GRID1: variants seen among roughly 807,000 people sequenced by gnomAD.
The protein encoded by GRID1 is glutamate receptor ionotropic, delta-1.
In GRID1, 28 loss-of-function variants were observed where a neutral mutation model predicts 98.0. The ratio of observed to expected loss-of-function variants is 0.29; its 90% confidence interval spans 0.21 to 0.39. The LOEUF is 0.39. Among genes scored for constraint, GRID1 ranks in the 10% least tolerant of loss-of-function variants. The pLI, the probability that GRID1 is intolerant of heterozygous loss-of-function variation, is 1.00. For missense variants in GRID1, 1,111 were observed against 1,340.5 expected (o/e 0.83, Z 2.67); for synonymous variants, 553 against 538.5 (o/e 1.03, Z -0.37).
intron 8 of GRID1, among the ~76,000 whole-genome samples, chr10:85,803,213 A>T (rs1842593458): frequency 6.6e-6 from 1 of 152,138 alleles, no homozygotes; most frequent in Non-Finnish European, 1.5e-5. Context: ...CTGTATATTT[A>T]AAAATAACTA....
intron 2 of GRID1, among the ~76,000 whole-genome samples, chr10:86,302,674 T>C (rs1257995386): frequency 6.6e-6 from 1 of 152,168 alleles, no homozygotes; most frequent in Non-Finnish European, 1.5e-5. Context: ...AGGAACAGGT[T>C]AAATGTCACC....
chr10:86,017,717 G>A (rs1007392879), intron 4 of GRID1, among the ~76,000 whole-genome samples: 2 of 152,216 alleles, frequency 1.3e-5, no homozygotes, highest in Non-Finnish European at 2.9e-5. Flanking sequence ...AGTTATTTGT[G>A]TGAATCAAAG....
At position 85,775,559 on chromosome 10, in the gene GRID1, A is replaced by C. The variant is rs147194076; in HGVS notation, c.1234-45945T>G. 9.5e-4 allele frequency among the ~76,000 whole-genome samples: 145 copies of C among 152,300 alleles called. 1 individual carries two copies. Among genetic ancestry groups the C allele is most frequent in the African/African-American group, 3.3e-3 (138 of 41,568 alleles). ...GAGGAGGAAGGGAGGGGAGAGTGGC[A>C]AGTGTTGCAGAACTAACTATTGGGT... On this transcript the variant is annotated intron_variant, in intron 8 of 15. Transcript: ENST00000327946.
At position 86,195,644 on chromosome 10, in the gene GRID1, C is replaced by T. The variant is rs550855667; in HGVS notation, c.520+10720G>A. ...GGGGTTGGCAGCAAACAAGCCCCCG[C>T]GGCGACCACGCCATCAGGTGGGTAA... On this transcript the variant is annotated intron_variant, in intron 3 of 15. Coordinates refer to ENST00000327946, the MANE Select transcript of GRID1 (RefSeq NM_017551.3). This position sits in a 1 kb window ranked among gnomAD's most constrained non-coding sequence, Gnocchi z 4.4. Among the ~76,000 whole-genome samples, 2 of 152,148 alleles carry T rather than the reference C, an allele frequency of 1.3e-5. No individual in the cohort carries two copies. The highest frequency in any genetic ancestry group is 1.9e-4 in the East Asian group (1 of 5,190).
intron 14 of GRID1, among the ~76,000 whole-genome samples, chr10:85,615,400 T>A (rs1842776673): frequency 6.6e-6 from 1 of 152,192 alleles, no homozygotes; most frequent in African/African-American, 2.4e-5. Context: ...GAGCTGTGGG[T>A]TACTCTGTTT....
At chr10:85,985,538 C>A (rs1379991831) in intron 4 of GRID1, among the ~76,000 whole-genome samples, 1 of 152,200 alleles carries the variant, frequency 6.6e-6, no homozygotes, top group East Asian at 1.9e-4. Flanking sequence ...GGCAGGCTCT[C>A]CTTGTAGGAG....
intron 4 of GRID1, among the ~76,000 whole-genome samples, chr10:86,119,333 TCAAAAA>T (rs1004470608): frequency 5.9e-5 from 9 of 152,020 alleles, no homozygotes; most frequent in African/African-American, 1.9e-4. Flanking sequence ...AGACCCTGTC[TCAAAAA>T]CAAACAAACA....
At chr10:85,817,159 AAC>A (rs2131747877) in intron 8 of GRID1, among the ~76,000 whole-genome samples, 2 of 152,328 alleles carry the variant, frequency 1.3e-5, no homozygotes, top group South Asian at 4.1e-4. Context: ...TGCTGCAACA[AAC>A]ACACACATGC....
intron 5 of GRID1, among the ~76,000 whole-genome samples, chr10:85,886,979 A>T (rs555485776): frequency 5.9e-5 from 9 of 152,350 alleles, no homozygotes; most frequent in Non-Finnish European, 1.0e-4. Context: ...TGATACCAGC[A>T]TTACTCCATT....
At chr10:85,878,960 G>T (rs1250283935) in intron 5 of GRID1, among the ~76,000 whole-genome samples, 1 of 151,690 alleles carries the variant, frequency 6.6e-6, no homozygotes, top group Non-Finnish European at 1.5e-5. Flanking sequence ...AAAAAGGCAG[G>T]GGTTGCAATC....
chr10:86,343,149 T>C (rs1221127587), intron 2 of GRID1, among the ~76,000 whole-genome samples: 2 of 152,228 alleles, frequency 1.3e-5, no homozygotes, highest in East Asian at 1.9e-4. Context: ...GGAATTAGGG[T>C]TGGGTTTTCT....
chr10:85,683,519 G>A (rs766295419), intron 12 of GRID1, among the ~76,000 whole-genome samples: 2 of 152,184 alleles, frequency 1.3e-5, no homozygotes, highest in Non-Finnish European at 2.9e-5. Context: ...ACATACAAAG[G>A]TCATGAAGTC....
chr10:86,150,489 A>G (rs888433138), intron 3 of GRID1, among the ~76,000 whole-genome samples: 1 of 152,236 alleles, frequency 6.6e-6, no homozygotes, highest in Non-Finnish European at 1.5e-5. Flanking sequence ...AATCTAGAGA[A>G]GTAATTTCCA....
chr10:85,992,589 G>A (rs568734660), intron 4 of GRID1, among the ~76,000 whole-genome samples: 2 of 151,306 alleles, frequency 1.3e-5, no homozygotes, highest in Admixed American at 1.3e-4. Flanking sequence ...AGAGGGGACA[G>A]AGCTGGCAGT....
At chr10:85,944,821 GT>G (rs34412615) in intron 4 of GRID1, among the ~76,000 whole-genome samples, 23,621 of 150,674 alleles carry the variant, frequency 0.16, 1,927 homozygotes, top group South Asian at 0.24. Flanking sequence ...TTACTGTAGA[GT>G]TTTTTTTTTA....
chr10:85,911,524 C>A (rs1235947353), intron 5 of GRID1, among the ~76,000 whole-genome samples: 1 of 152,102 alleles, frequency 6.6e-6, no homozygotes, highest in East Asian at 1.9e-4. Flanking sequence ...CGCTGCTGAC[C>A]CACAGATCAC....
intron 14 of GRID1, among the ~76,000 whole-genome samples, chr10:85,618,406 G>A (rs1010401934): frequency 4.6e-5 from 7 of 152,140 alleles, no homozygotes; most frequent in South Asian, 2.1e-4. Context: ...CAACTGGTGC[G>A]AACCTCAAGA....
chr10:86,262,303 A>AG (rs1847028284), intron 2 of GRID1, among the ~76,000 whole-genome samples: 1 of 152,208 alleles, frequency 6.6e-6, no homozygotes, highest in Admixed American at 6.5e-5. Context: ...AGCAAAGCCA[A>AG]GCTCTCCACT....
At chr10:85,879,777 A>G (rs1404679984) in intron 5 of GRID1, among the ~76,000 whole-genome samples, 5 of 152,350 alleles carry the variant, frequency 3.3e-5, no homozygotes, top group Middle Eastern at 3.4e-3. Flanking sequence ...ATATCAGAGC[A>G]GAACTGAAGG....
Sources: gnomAD v4.1 joint callset for allele counts (sites outside exome capture counted in the v4.1 genomes callset) on GRCh38, gnomAD v4.1.1 for gene constraint, Gnocchi (gnomAD v3.1) non-coding constraint, MANE v1.5 for transcripts, NCBI Gene and HGNC (gene_info 2026-07-23, HGNC 2026-07-21) for gene names.